BATF3: variants seen among roughly 807,000 people sequenced by gnomAD.
BATF3 encodes the protein basic leucine zipper ATF-like transcription factor 3.
A neutral mutation model predicts 16.1 loss-of-function variants in BATF3; 8 were observed. The observed-to-expected ratio is 0.50, with a 90% CI of 0.29 to 0.90. The LOEUF (loss-of-function observed/expected upper bound fraction) is 0.90, where lower values mean the gene tolerates loss of function less well. Ranked by LOEUF, BATF3 falls within the 40% of genes least tolerant of loss-of-function variation. The probability of loss-of-function intolerance (pLI) is 0.08; values close to 1 mark genes in which losing one functional copy is unlikely to be tolerated. For synonymous variants in BATF3, 74 were observed against 72.7 expected (o/e 1.02, Z -0.09); for missense variants, 139 against 167.0 (o/e 0.83, Z 0.92).
Position 212,686,623 on chromosome 1 carries a change from G to T in BATF3, c.*168C>A. 1 of 1,176,652 alleles carries T rather than the reference G, an allele frequency of 8.5e-7. No individual in the cohort carries two copies. The highest frequency in any genetic ancestry group is 1.2e-6 in the Non-Finnish European group (1 of 867,488). 72.9% of individuals were successfully genotyped at this position (1,176,652 alleles called of 1,614,324 possible). A position where few individuals can be genotyped will look rare whatever the true frequency, so the allele number is the denominator to read the frequency against. On this transcript the variant is annotated 3_prime_UTR_variant, in exon 3 of 3. Transcript: ENST00000243440. ...GGCTCTGTGAGTTTGGCGCCTGTTG[G>T]ATGTCGGGCTGAGCCCAGTCTGCAG...
At position 212,696,970 on chromosome 1, in the gene BATF3, C is replaced by G; in HGVS notation, c.186G>C (p.Lys62Asn). Reference sequence around the variant, plus strand: ...CCTACCACGGTCTCACCTCATGGAGCTTGTCAGCCTTCTGGGTCTGCTTCT... The same window carrying G: ...CCTACCACGGTCTCACCTCATGGAGGTTGTCAGCCTTCTGGGTCTGCTTCT... ...SRKKQTQKADKLHEEYESLEQ... is the reference protein window; with the variant it reads ...SRKKQTQKADNLHEEYESLEQ... Residue 62 changes from lysine to asparagine, a missense_variant, in exon 2 of 3, where the codon AAG becomes AAC. By Grantham distance (94) the Lys-to-Asn change is moderately conservative. Coordinates refer to ENST00000243440, the MANE Select transcript of BATF3 (RefSeq NM_018664.3). The G allele has an allele frequency of 6.2e-7, 1 of 1,614,156 alleles. No homozygotes were observed. The highest frequency in any genetic ancestry group is 8.5e-7 in the Non-Finnish European group (1 of 1,179,982).
intron 1 of BATF3, chr1:212,698,407 G>A (rs1657180763): frequency 6.6e-6 from 1 of 152,162 alleles, no homozygotes; most frequent in Admixed American, 6.5e-5. Context: ...CACCTACCAT[G>A]TGCCAGACAC....
In BATF3 at chr1:212,699,264, C is replaced by G. The variant is rs549751227; in HGVS notation, c.90+409G>C. 1.9e-4 allele frequency among the ~76,000 whole-genome samples: 29 copies of G among 152,288 alleles called. No homozygotes were observed. The highest frequency in any genetic ancestry group is 1.0e-3 in the South Asian group (5 of 4,826). On this transcript the variant is annotated intron_variant, in intron 1 of 2. Coordinates refer to ENST00000243440, the MANE Select transcript of BATF3 (RefSeq NM_018664.3). The surrounding 1 kb of genome is among the most constrained non-coding windows in gnomAD (Gnocchi z 4.4). ...TCCATTCCCGCGGCAGCACCCCCCC[C>G]ACCCGGGGGAATCCTGGAGGGGCTA...
At chr1:212,691,453 G>C (rs1336252357) in intron 2 of BATF3, among the ~76,000 whole-genome samples, 3 of 152,166 alleles carry the variant, frequency 2.0e-5, no homozygotes, top group African/African-American at 7.2e-5. Context: ...TCCCCATGAT[G>C]GTTACCAGAA....
chr1:212,692,056 T>C (rs12070621), intron 2 of BATF3, among the ~76,000 whole-genome samples: 6,662 of 152,294 alleles, frequency 0.044, 486 homozygotes, highest in African/African-American at 0.15. Flanking sequence ...CAGAAAACTC[T>C]GCGTGAAGGG....
At chr1:212,697,615 A>G (rs1657162241) in intron 1 of BATF3, 1 of 152,636 alleles carries the variant, frequency 6.6e-6, no homozygotes, top group Non-Finnish European at 1.5e-5. Flanking sequence ...AACTCTACCA[A>G]CACACCAAAT....
At position 212,699,167 on chromosome 1, in the gene BATF3, G is replaced by T. The variant is rs535938713; in HGVS notation, c.90+506C>A. 6.6e-6 allele frequency among the ~76,000 whole-genome samples: 1 copy of T among 152,234 alleles called. No homozygotes were observed. Among genetic ancestry groups the T allele is most frequent in the African/African-American group, 2.4e-5 (1 of 41,452 alleles). On this transcript the variant is annotated intron_variant, in intron 1 of 2. Transcript: ENST00000243440. The surrounding 1 kb of genome is among the most constrained non-coding windows in gnomAD (Gnocchi z 4.4). ...GACAGCGAACTGGGAAGGGGCAAAG[G>T]GTTTCCACCAGCTGGGGGCGGAGTC...
chr1:212,689,866 TAC>T lies in BATF3; in HGVS notation c.196-2889_196-2888del, dbSNP rs72010326. ...ACACAACCACAGACACACACACAGA[TAC>T]ACACAGTCACACACACATCTGCAAA... On this transcript the variant is annotated intron_variant, in intron 2 of 2. Coordinates refer to ENST00000243440, the MANE Select transcript of BATF3 (RefSeq NM_018664.3). This position sits in a 1 kb window ranked among gnomAD's most constrained non-coding sequence, Gnocchi z 4.6. Among the ~76,000 whole-genome samples the T allele has an allele frequency of 0.14, 21,241 of 149,746 alleles. 1,599 individuals are homozygous for T. Among genetic ancestry groups the T allele is most frequent in the South Asian group, 0.27 (1,265 of 4,712 alleles).
chr1:212,694,469 C>T (rs187859309), intron 2 of BATF3, among the ~76,000 whole-genome samples: 88 of 152,184 alleles, frequency 5.8e-4, no homozygotes, highest in Non-Finnish European at 5.4e-4. Flanking sequence ...TGGATCTACT[C>T]GACTGTGCTC....
intron 2 of BATF3, among the ~76,000 whole-genome samples, chr1:212,688,266 G>T (rs1656910506): frequency 6.6e-6 from 1 of 151,968 alleles, no homozygotes. Flanking sequence ...TGCCATTCTG[G>T]GGACCCTCAC....
chr1:212,686,577 T>C lies in BATF3; in HGVS notation c.*214A>G, dbSNP rs147326076. The C allele has an allele frequency of 2.9e-6, 2 of 696,450 alleles. No homozygotes were observed. Among genetic ancestry groups the C allele is most frequent in the Non-Finnish European group, 4.5e-6 (2 of 441,960 alleles). The allele number at this position is 696,450 out of a possible 1,614,324, so 43.1% of individuals were successfully genotyped here. On this transcript the variant is annotated 3_prime_UTR_variant, in exon 3 of 3. Transcript: ENST00000243440. ...TGAGAAGTCACTCCTGAGGGTGGCC[T>C]CCATGCTGGATCTGCACAAGGGCTC... is the stretch of plus-strand genomic sequence containing the variant.
Position 212,699,727 on chromosome 1 carries a change from C to A in BATF3, c.36G>T (p.Leu12=). The A allele has an allele frequency of 7.5e-7, 1 of 1,328,544 alleles. No homozygotes were observed. The highest frequency in any genetic ancestry group is 9.7e-7 in the Non-Finnish European group (1 of 1,035,220). The allele number at this position is 1,328,544 out of a possible 1,614,324, so 82.3% of individuals were successfully genotyped here. A position where few individuals can be genotyped will look rare whatever the true frequency, so the allele number is the denominator to read the frequency against. Residue 12 remains leucine (L), a synonymous_variant, in exon 1 of 3, where the codon CTG becomes CTT. Coordinates refer to ENST00000243440, the MANE Select transcript of BATF3 (RefSeq NM_018664.3). The surrounding 1 kb of genome is among the most constrained non-coding windows in gnomAD (Gnocchi z 4.4). ...TCCCGGGCGCCGCGACGCTCCTCTGCAGGACGCTGCCGGCGGCCGGGAGCC... is the reference window on the plus strand; with the variant it reads ...TCCCGGGCGCCGCGACGCTCCTCTGAAGGACGCTGCCGGCGGCCGGGAGCC... ...SQGLPAAGSV[L]QRSVAAPGNQ...
Position 212,697,106 on chromosome 1 carries a change from C to A in BATF3, c.91-41G>T, listed in dbSNP as rs559217315. ...GGGTGGGTGTGATGTCGTGGCCCCTCGCCTTACCCTTTTCTGCCCTGTCTC... is the reference window on the plus strand; with the variant it reads ...GGGTGGGTGTGATGTCGTGGCCCCTAGCCTTACCCTTTTCTGCCCTGTCTC... On this transcript the variant is annotated intron_variant, in intron 1 of 2. Coordinates refer to ENST00000243440, the MANE Select transcript of BATF3 (RefSeq NM_018664.3). 22 of 1,519,964 alleles carry A rather than the reference C, an allele frequency of 1.4e-5. No individual in the cohort carries two copies. The East Asian group carries it at 4.7e-4, about 33-fold the overall frequency. 94.2% of individuals were successfully genotyped at this position (1,519,964 alleles called of 1,614,324 possible). A position where few individuals can be genotyped will look rare whatever the true frequency, so the allele number is the denominator to read the frequency against.
At chr1:212,698,874 TGGAC>T (rs1182216190) in intron 1 of BATF3, 1 of 152,260 alleles carries the variant, frequency 6.6e-6, no homozygotes, top group African/African-American at 2.4e-5. Flanking sequence ...GATGGGGAAA[TGGAC>T]GGTCCGAGAG....
At position 212,686,701 on chromosome 1, in the gene BATF3, G is replaced by GC; in HGVS notation, c.*89dup. ...CCCAGGAGGAGGCCTGGCCACAGGT[G>GC]CCCCCTGTATACAATTGTGAAGGAA... On this transcript the variant is annotated 3_prime_UTR_variant, in exon 3 of 3. Coordinates refer to ENST00000243440, the MANE Select transcript of BATF3 (RefSeq NM_018664.3). The GC allele has an allele frequency of 1.4e-6, 2 of 1,472,702 alleles. No homozygotes were observed. The highest frequency in any genetic ancestry group is 4.5e-5 in the Admixed American group (2 of 44,630). 91.2% of individuals were successfully genotyped at this position (1,472,702 alleles called of 1,614,324 possible).
At chr1:212,692,563 G>A (rs1037709441) in intron 2 of BATF3, among the ~76,000 whole-genome samples, 6 of 151,956 alleles carry the variant, frequency 3.9e-5, no homozygotes, top group Admixed American at 1.3e-4. Flanking sequence ...TCAGCCTCCC[G>A]AGTAGTTGGA....
At chr1:212,696,240 G>A (rs1657124465) in intron 2 of BATF3, among the ~76,000 whole-genome samples, 2 of 152,154 alleles carry the variant, frequency 1.3e-5, no homozygotes, top group Admixed American at 6.5e-5. Flanking sequence ...AAAAATCGGC[G>A]AAGAGGGTTA....
rs201480388 is a variant in BATF3, at chr1:212,689,912, CACAG to C, written c.196-2937_196-2934del. On this transcript the variant is annotated intron_variant, in intron 2 of 2. Transcript: ENST00000243440. This position sits in a 1 kb window ranked among gnomAD's most constrained non-coding sequence, Gnocchi z 4.6. Reference sequence around the variant, plus strand: ...CTGCAAACACACTCTCATACCCAGCCACAGACACTCTCACACACATACACAATCA... The same window carrying C: ...CTGCAAACACACTCTCATACCCAGCCACACTCTCACACACATACACAATCA... 1.3e-4 allele frequency among the ~76,000 whole-genome samples: 19 copies of C among 151,522 alleles called. 1 individual carries two copies. The South Asian group carries it at 3.8e-3, about 30-fold the overall frequency.
Position 212,686,459 on chromosome 1 carries a change from T to C in BATF3, c.*332A>G, listed in dbSNP as rs1375555805. 1 of 265,716 alleles carries C rather than the reference T, an allele frequency of 3.8e-6. No homozygotes were observed. Among genetic ancestry groups the C allele is most frequent in the Non-Finnish European group, 7.3e-6 (1 of 137,894 alleles). The allele number at this position is 265,716 out of a possible 1,614,324, so 16.5% of individuals were successfully genotyped here. ...TATTGTGCCTGTAAATTCCCAGAACTGGAGAAGGGAGAGACAATAAGCATC... is the reference window on the plus strand; with the variant it reads ...TATTGTGCCTGTAAATTCCCAGAACCGGAGAAGGGAGAGACAATAAGCATC... On this transcript the variant is annotated 3_prime_UTR_variant, in exon 3 of 3. Coordinates refer to ENST00000243440, the MANE Select transcript of BATF3 (RefSeq NM_018664.3).
Sources: gnomAD v4.1 joint callset for allele counts (sites outside exome capture counted in the v4.1 genomes callset) on GRCh38, gnomAD v4.1.1 for gene constraint, Gnocchi (gnomAD v3.1) non-coding constraint, MANE v1.5 for transcripts, NCBI Gene and HGNC (gene_info 2026-07-23, HGNC 2026-07-21) for gene names.